The following STAG1 variants were observed in gnomAD, a reference collection of about 807,000 sequenced individuals.
The protein encoded by STAG1 is STAG1 cohesin complex component.
STAG1 carries 26 observed loss-of-function variants against 170.9 expected under a neutral mutation model. The ratio of observed to expected loss-of-function variants is 0.15; its 90% CI spans 0.11 to 0.21. The LOEUF (loss-of-function observed/expected upper bound fraction) is 0.21. Ranked by LOEUF, STAG1 falls within the 10% of genes least tolerant of loss-of-function variation. STAG1 has a pLI of 1.00. For missense variants in STAG1, 964 were observed against 1,509.5 expected (o/e 0.64, Z 5.99); for synonymous variants, 514 against 497.7 (o/e 1.03, Z -0.44).
chr3:136,429,884 CTTAAAA>C (rs2088242592), intron 16 of STAG1, among the ~76,000 whole-genome samples: 1 of 152,112 alleles, frequency 6.6e-6, no homozygotes, highest in Non-Finnish European at 1.5e-5. Context: ...TTCTGATTTT[CTTAAAA>C]ACTTTTTTCT....
intron 16 of STAG1, among the ~76,000 whole-genome samples, chr3:136,431,482 G>A (rs2088303310): frequency 1.3e-5 from 2 of 152,008 alleles, no homozygotes; most frequent in Admixed American, 6.6e-5. Context: ...ATGTTGGCCA[G>A]GCTGGAGTCG....
At chr3:136,647,373 C>T (rs1319865992) in intron 1 of STAG1, among the ~76,000 whole-genome samples, 6 of 152,140 alleles carry the variant, frequency 3.9e-5, no homozygotes, top group African/African-American at 1.4e-4. Flanking sequence ...AGTTTGAGAC[C>T]AGCCTGACTA....
intron 4 of STAG1, among the ~76,000 whole-genome samples, chr3:136,583,353 C>A (rs761759941): frequency 6.6e-6 from 1 of 152,084 alleles, no homozygotes; most frequent in Non-Finnish European, 1.5e-5. Flanking sequence ...AAAAATTCTA[C>A]AAAATCAGAA....
At position 136,542,099 on chromosome 3, in the gene STAG1, TG is replaced by T; in HGVS notation, c.471+19del. 6.4e-7 allele frequency: 1 copy of T among 1,570,830 alleles called. No individual in the cohort carries two copies. Among genetic ancestry groups the T allele is most frequent in the South Asian group, 1.1e-5 (1 of 89,236 alleles). On this transcript the variant is annotated intron_variant, in intron 6 of 33. Transcript: ENST00000383202. ...TGAAAGTATAAGTAAGCAATTTGTATGAATATTGGAATGCTATACCTCATCA... is the reference window on the plus strand; with the variant it reads ...TGAAAGTATAAGTAAGCAATTTGTATAATATTGGAATGCTATACCTCATCA...
chr3:136,743,639 A>G (rs943744460), intron 1 of STAG1, among the ~76,000 whole-genome samples: 4 of 152,160 alleles, frequency 2.6e-5, no homozygotes, highest in African/African-American at 7.2e-5. Flanking sequence ...CCAAGTCCAG[A>G]TGGCTTATCA....
At chr3:136,669,498 C>T (rs905939510) in intron 1 of STAG1, among the ~76,000 whole-genome samples, 12 of 151,976 alleles carry the variant, frequency 7.9e-5, no homozygotes, top group Non-Finnish European at 1.2e-4. Context: ...GGATTACAGG[C>T]GCACAACCAC....
At chr3:136,617,939 A>G (rs1456354773) in intron 3 of STAG1, among the ~76,000 whole-genome samples, 1 of 152,178 alleles carries the variant, frequency 6.6e-6, no homozygotes, top group Admixed American at 6.5e-5. Flanking sequence ...TGACCTGTTA[A>G]CTTACCCTTC....
intron 6 of STAG1, among the ~76,000 whole-genome samples, chr3:136,526,721 T>G (rs940976099): frequency 1.9e-4 from 29 of 152,248 alleles, no homozygotes; most frequent in Non-Finnish European, 3.8e-4. Flanking sequence ...GTTTTTGCAG[T>G]GGCTGGTACT....
chr3:136,443,980 C>T (rs2088705085), intron 14 of STAG1, among the ~76,000 whole-genome samples: 1 of 152,170 alleles, frequency 6.6e-6, no homozygotes, highest in Non-Finnish European at 1.5e-5. Flanking sequence ...CTTTGGAGCC[C>T]ATGTTCCCAC....
intron 4 of STAG1, among the ~76,000 whole-genome samples, chr3:136,600,956 T>C (rs752110392): frequency 5.9e-5 from 9 of 152,120 alleles, no homozygotes; most frequent in Admixed American, 1.3e-4. Context: ...AGTGGCGCAA[T>C]CTTGGCTCAC....
chr3:136,508,885 C>A (rs567186431), intron 7 of STAG1, among the ~76,000 whole-genome samples: 1 of 151,880 alleles, frequency 6.6e-6, no homozygotes, highest in East Asian at 1.9e-4. Context: ...TGCGCGCGTG[C>A]GCGAGAGAGA....
At chr3:136,554,773 T>G (rs1007850590) in intron 5 of STAG1, among the ~76,000 whole-genome samples, 5 of 151,968 alleles carry the variant, frequency 3.3e-5, no homozygotes, top group African/African-American at 1.2e-4. Flanking sequence ...CACACACTTG[T>G]GGTCCCAGCT....
intron 7 of STAG1, among the ~76,000 whole-genome samples, chr3:136,516,996 C>T (rs1934410895): frequency 6.6e-6 from 1 of 152,218 alleles, no homozygotes; most frequent in African/African-American, 2.4e-5. Flanking sequence ...AAATTATTTT[C>T]AGCCTCTGAT....
rs558922324 is a variant in STAG1 at position 136,400,451 on chromosome 3, G to C, written c.2197-1622C>G. Among the ~76,000 whole-genome samples the C allele has an allele frequency of 2.3e-4, 35 of 152,142 alleles. No homozygotes were observed. In the South Asian group the frequency reaches 6.6e-3, roughly 29 times the overall value. ...GCCCAGGCTGGTCTCGAACTTCTGA[G>C]ATCAGGCAATCTGCCCACCTCTGCC... On this transcript the variant is annotated intron_variant, in intron 21 of 33. Transcript: ENST00000383202.
intron 1 of STAG1, among the ~76,000 whole-genome samples, chr3:136,700,904 T>TG (rs1331916855): frequency 8.0e-6 from 1 of 124,562 alleles, no homozygotes; most frequent in Non-Finnish European, 1.6e-5. Flanking sequence ...TTTTTTGAGA[T>TG]GGAGTCTCAC....
intron 1 of STAG1, among the ~76,000 whole-genome samples, chr3:136,651,105 C>T (rs528322503): frequency 1.4e-4 from 21 of 152,056 alleles, no homozygotes; most frequent in Non-Finnish European, 2.4e-4. Context: ...TGGCTCACAC[C>T]TGTAATCCTA....
intron 1 of STAG1, among the ~76,000 whole-genome samples, chr3:136,719,768 G>A (rs1382647832): frequency 6.6e-6 from 1 of 151,984 alleles, no homozygotes; most frequent in East Asian, 1.9e-4. Context: ...GGGCAATCTA[G>A]GATGGACTGC....
At chr3:136,404,020 C>A (rs1047601669) in intron 21 of STAG1, among the ~76,000 whole-genome samples, 5 of 152,202 alleles carry the variant, frequency 3.3e-5, no homozygotes, top group African/African-American at 1.2e-4. Flanking sequence ...CCATTTAGAA[C>A]TTCTCCTGTC....
chr3:136,649,628 A>G (rs1222633798), intron 1 of STAG1, among the ~76,000 whole-genome samples: 1 of 151,212 alleles, frequency 6.6e-6, no homozygotes, highest in African/African-American at 2.4e-5. Flanking sequence ...CTAATATAAA[A>G]TAACAGGCCA....
Sources: allele counts gnomAD v4.1 joint callset (sites outside exome capture counted in the v4.1 genomes callset), GRCh38; gene constraint gnomAD v4.1.1; transcripts MANE v1.5; gene names NCBI Gene and HGNC (gene_info 2026-07-23, HGNC 2026-07-21).